RAB9B: variants seen among roughly 807,000 people sequenced by gnomAD.
The protein encoded by RAB9B is ras-related protein Rab-9B.
RAB9B carries 1 observed loss-of-function variant against 8.9 expected under a neutral mutation model. The observed-to-expected ratio is 0.11, with a 90% CI of 0.04 to 0.53. The LOEUF (loss-of-function observed/expected upper bound fraction) is 0.53, where lower values mean the gene tolerates loss of function less well. RAB9B is among the 20% of genes least tolerant of loss of function. The pLI, the probability that RAB9B is intolerant of heterozygous loss-of-function variation, is 0.93. For missense variants in RAB9B, 82 were observed against 152.9 expected, an observed-to-expected ratio of 0.54 and a Z score of 2.45; for synonymous variants, 63 against 57.0, an observed-to-expected ratio of 1.10 and a Z score of -0.47.
rs2074677943 is a variant in RAB9B, at chrX:103,825,026, A to T, written c.*153T>A. 6.7e-6 allele frequency: 4 copies of T among 596,650 alleles called. No homozygotes were observed. Among genetic ancestry groups the T allele is most frequent in the Non-Finnish European group, 1.0e-5 (4 of 395,670 alleles). The allele number at this position is 596,650 out of a possible 1,213,427, so 49.2% of individuals were successfully genotyped here. A position where few individuals can be genotyped will look rare whatever the true frequency, so the allele number is the denominator to read the frequency against. On this transcript the variant is annotated 3_prime_UTR_variant, in exon 3 of 3. Transcript: ENST00000243298. ...TTTTAATTTTTAATTTTTTTAAATC[A>T]ATCTACACTTCAATTTGAAAGGCTC... is the stretch of plus-strand genomic sequence containing the variant.
At chrX:103,795,929 A>G in the RAB9B span, among the ~76,000 whole-genome samples, 1 of 112,015 alleles carries the variant, frequency 8.9e-6, no homozygotes, top group African/African-American at 3.3e-5. Context: ...CTGTTGGTGA[A>G]TAGTGTGAAT....
At chrX:103,799,296 C>T in the RAB9B span, among the ~76,000 whole-genome samples, 1 of 103,454 alleles carries the variant, frequency 9.7e-6, no homozygotes, top group Non-Finnish European at 1.9e-5. Flanking sequence ...CTCTGTATGG[C>T]ATATTTCCTT....
chrX:103,815,592 G>T, the RAB9B span, among the ~76,000 whole-genome samples: 1 of 111,713 alleles, frequency 9.0e-6, no homozygotes, highest in Non-Finnish European at 1.9e-5. Flanking sequence ...GGGCAATCAG[G>T]CAAGAAAAAG....
chrX:103,776,728 A>G, the RAB9B span: 1 of 342,589 alleles, frequency 2.9e-6, no homozygotes, highest in Non-Finnish European at 5.1e-6. Flanking sequence ...TGGAGCCCTT[A>G]GAGAAGGGAG....
At chrX:103,789,912 C>G in the RAB9B span, among the ~76,000 whole-genome samples, 1 of 111,732 alleles carries the variant, frequency 8.9e-6, no homozygotes, top group African/African-American at 3.3e-5. Context: ...ATGCTATGTC[C>G]CAGGTCTTGC....
chrX:103,800,819 C>T, the RAB9B span, among the ~76,000 whole-genome samples: 1 of 111,743 alleles, frequency 8.9e-6, no homozygotes, highest in Admixed American at 9.5e-5. Flanking sequence ...CGTTCACTAT[C>T]TTTTTTCCCC....
chrX:103,807,575 G>C, the RAB9B span, among the ~76,000 whole-genome samples: 1 of 111,967 alleles, frequency 8.9e-6, no homozygotes, highest in Non-Finnish European at 1.9e-5. Context: ...CATTCCCTGG[G>C]CTTCTTCACT....
chrX:103,780,374 C>T, the RAB9B span: 1 of 111,465 alleles, frequency 9.0e-6, no homozygotes. Context: ...CAATCAAAGT[C>T]CTACCTCAGC....
the RAB9B span, among the ~76,000 whole-genome samples, chrX:103,797,889 C>A: frequency 9.0e-6 from 1 of 111,674 alleles, no homozygotes; most frequent in African/African-American, 3.3e-5. Flanking sequence ...ATTCATTCCC[C>A]AGTCATCTCC....
the RAB9B span, chrX:103,787,466 G>A: frequency 1.5e-5 from 5 of 335,788 alleles, no homozygotes; most frequent in South Asian, 1.6e-4. Flanking sequence ...TCAGCCTAAG[G>A]CACAAAATGG....
intron 1 of RAB9B, among the ~76,000 whole-genome samples, chrX:103,829,513 T>A (rs1490297281): frequency 2.7e-5 from 3 of 112,256 alleles, no homozygotes; most frequent in Non-Finnish European, 3.8e-5. Flanking sequence ...TGTGCTACCA[T>A]CCTCATTTTG....
the RAB9B span, chrX:103,790,380 C>T: frequency 5.4e-6 from 3 of 550,704 alleles, no homozygotes; most frequent in South Asian, 7.3e-5. Context: ...AAAGCCAAGC[C>T]TGGGATGTAC....
At chrX:103,827,139 T>A (rs2074686256) in intron 1 of RAB9B, 61 bp from the exon 2 acceptor site, 1 of 108,618 alleles carries the variant, frequency 9.2e-6, no homozygotes, top group Non-Finnish European at 1.9e-5. Flanking sequence ...ACGTTAAGGC[T>A]CTATATAAAA....
chrX:103,816,066 G>A, the RAB9B span, among the ~76,000 whole-genome samples: 2 of 111,448 alleles, frequency 1.8e-5, no homozygotes, highest in Admixed American at 9.6e-5. Context: ...TCTTCACAGA[G>A]TTGGAAAAAA....
At chrX:103,785,147 C>G in the RAB9B span, among the ~76,000 whole-genome samples, 1 of 110,762 alleles carries the variant, frequency 9.0e-6, no homozygotes, top group Non-Finnish European at 1.9e-5. Flanking sequence ...GCAATCTTGG[C>G]TCACGGCAAC....
At chrX:103,817,346 C>T (rs750472042), downstream of RAB9B, among the ~76,000 whole-genome samples, 10 of 110,861 alleles carry the variant, frequency 9.0e-5, no homozygotes, top group East Asian at 1.4e-3. Flanking sequence ...AACCAAACGC[C>T]GCATGTTCTT....
the RAB9B span, chrX:103,785,668 C>T: frequency 8.3e-7 from 1 of 1,210,125 alleles, no homozygotes; most frequent in South Asian, 1.8e-5. Context: ...TGGGGTGGCA[C>T]TGTTCTGTGG....
the RAB9B span, among the ~76,000 whole-genome samples, chrX:103,784,722 G>A: frequency 8.9e-6 from 1 of 112,142 alleles, no homozygotes; most frequent in Non-Finnish European, 1.9e-5. Flanking sequence ...AACTCCAAGT[G>A]CATTTACCCT....
downstream of RAB9B, among the ~76,000 whole-genome samples, chrX:103,817,864 A>T (rs2147781944): frequency 9.0e-6 from 1 of 111,591 alleles, no homozygotes; most frequent in Non-Finnish European, 1.9e-5. Flanking sequence ...ACCAAAGCTT[A>T]GATTCATAAC....
Sources: allele counts gnomAD v4.1 joint callset (sites outside exome capture counted in the v4.1 genomes callset), GRCh38; gene constraint gnomAD v4.1.1; transcripts MANE v1.5; gene names NCBI Gene and HGNC (gene_info 2026-07-23, HGNC 2026-07-21).